The following CLASP2 variants were observed in gnomAD, a reference collection of about 807,000 sequenced individuals.
CLASP2 encodes CLIP-associating protein 2.
A neutral mutation model predicts 194.4 loss-of-function variants in CLASP2; 47 were observed. That is an observed-to-expected ratio of 0.24 (90% CI 0.19 to 0.31). The LOEUF (loss-of-function observed/expected upper bound fraction) is 0.31. Among genes scored for constraint, CLASP2 ranks in the 10% least tolerant of loss-of-function variants. CLASP2 has a pLI of 1.00. For missense variants in CLASP2, 1,445 were observed against 1,823.6 expected (o/e 0.79, Z 3.78); for synonymous variants, 619 against 633.5 (o/e 0.98, Z 0.34).
intron 1 of CLASP2, among the ~76,000 whole-genome samples, chr3:33,698,433 C>T (rs1163782648): frequency 1.3e-5 from 2 of 151,992 alleles, no homozygotes; most frequent in African/African-American, 4.8e-5. Context: ...TGAAGCTAGA[C>T]CAGAAAAACA....
chr3:33,619,586 CGA>C lies in CLASP2; in HGVS notation c.1317+15_1317+16del, dbSNP rs765849179. On this transcript the variant is annotated intron_variant, in intron 12 of 38. Transcript: ENST00000682230. ...GGGGGGAGGAGGCAGCAGTAGAAAA[CGA>C]GAGAGCAAACCTACCCGAATGATAA... The C allele has an allele frequency of 1.1e-5, 17 of 1,538,974 alleles. No homozygotes were observed. Among genetic ancestry groups the C allele is most frequent in the Middle Eastern group, 3.3e-4 (2 of 5,986 alleles).
At chr3:33,656,531 G>A (rs2084249973) in intron 7 of CLASP2, among the ~76,000 whole-genome samples, 1 of 152,140 alleles carries the variant, frequency 6.6e-6, no homozygotes, top group South Asian at 2.1e-4. Context: ...TGGTGGGAGT[G>A]TATGTGGTAA....
rs2061698515 is a variant in CLASP2, at chr3:33,560,943, A to C, written c.2795T>G (p.Val932Gly). 6.2e-7 allele frequency: 1 copy of C among 1,613,808 alleles called. No homozygotes were observed. Among genetic ancestry groups the C allele is most frequent in the Admixed American group, 1.7e-5 (1 of 59,992 alleles). The change falls in exon 28 of 39, where the codon GTG becomes GGG. Residue 932 changes from valine to glycine, a missense_variant. Val to Gly is a moderately radical substitution (Grantham distance 109). Around this residue, in one of 4 missense-constraint regions of CLASP2, gnomAD observed 732 missense variants for 987.9 expected, o/e 0.74. Transcript: ENST00000682230. ...RVFSMFLETL[V>G]DFIQVHKDDL... The stretch of plus-strand genomic sequence containing the variant: ...ATCTTTGTGGACTTGTATGAAATCC[A>C]CTAGAGTCTCCAAAAACATGCTGAA...
At chr3:33,688,448 C>A (rs2090967621) in intron 3 of CLASP2, 80 bp from the exon 4 acceptor site, 22 of 1,023,494 alleles carry the variant, frequency 2.1e-5, no homozygotes, top group Non-Finnish European at 2.7e-5. Context: ...CCCAATCTTA[C>A]TACCAACCTT....
intron 1 of CLASP2, among the ~76,000 whole-genome samples, chr3:33,698,981 A>T (rs1450919527): frequency 6.6e-6 from 1 of 152,236 alleles, no homozygotes; most frequent in Admixed American, 6.5e-5. Flanking sequence ...AAAAGAGCCA[A>T]CAACATGCAG....
At chr3:33,692,026 C>T (rs935973436) in intron 2 of CLASP2, among the ~76,000 whole-genome samples, 10 of 151,942 alleles carry the variant, frequency 6.6e-5, no homozygotes, top group African/African-American at 2.2e-4. Context: ...AAAAATTAGC[C>T]GAGCGTGATG....
intron 23 of CLASP2, 160 bp from the exon 24 acceptor site, chr3:33,576,435 C>A: frequency 7.1e-6 from 4 of 560,604 alleles, no homozygotes; most frequent in South Asian, 2.5e-5. Flanking sequence ...TAGTTTTTGG[C>A]AAAATAAAAG....
intron 17 of CLASP2, among the ~76,000 whole-genome samples, 174 bp downstream of exon 17, chr3:33,603,980 C>T (rs1164742624): frequency 6.6e-6 from 1 of 152,140 alleles, no homozygotes; most frequent in African/African-American, 2.4e-5. Context: ...CTTCCTGGAA[C>T]TTCGGGTTTT....
At chr3:33,698,728 CTA>C (rs2092151285) in intron 1 of CLASP2, among the ~76,000 whole-genome samples, 2 of 152,162 alleles carry the variant, frequency 1.3e-5, no homozygotes, top group South Asian at 2.1e-4. Flanking sequence ...TAGCTCCACA[CTA>C]TATGTAAGTT....
intron 30 of CLASP2, among the ~76,000 whole-genome samples, chr3:33,547,907 G>T (rs1430029846): frequency 6.6e-6 from 1 of 150,404 alleles, no homozygotes; most frequent in Non-Finnish European, 1.5e-5. Flanking sequence ...TCCTACCTCA[G>T]CCTCCTGAGT....
chr3:33,677,357 T>C (rs899424198), intron 6 of CLASP2, among the ~76,000 whole-genome samples: 1 of 151,000 alleles, frequency 6.6e-6, no homozygotes, highest in Non-Finnish European at 1.5e-5. Context: ...ATATACACCA[T>C]GGAATACTAT....
At position 33,517,000 on chromosome 3, in the gene CLASP2, T is replaced by C; in HGVS notation, c.3962A>G (p.Glu1321Gly). The change falls in exon 35 of 39, where the codon GAA becomes GGA. Residue 1321 changes from glutamate (E) to glycine (G), a missense_variant. Glu to Gly is a moderately conservative substitution (Grantham distance 98, BLOSUM62 -2). This residue lies in a region of CLASP2 where 732 missense variants were observed against 987.9 expected (regional missense o/e 0.74). Transcript: ENST00000682230. ...HFKTILLLLL[E>G]TLGDKEPTIR... ...ATTTACCTCTTTATCTCCAAGCGTT[T>C]CAAGCAATAAAAGCAATATTGTTTT... The C allele has an allele frequency of 1.2e-6, 2 of 1,613,186 alleles. No homozygotes were observed. Among genetic ancestry groups the C allele is most frequent in the Non-Finnish European group, 8.5e-7 (1 of 1,179,676 alleles).
At chr3:33,626,536 T>C (rs1285705356) in intron 10 of CLASP2, among the ~76,000 whole-genome samples, 1 of 152,076 alleles carries the variant, frequency 6.6e-6, no homozygotes, top group Non-Finnish European at 1.5e-5. Context: ...ATTCATCACA[T>C]TCACATGAGA....
intron 10 of CLASP2, among the ~76,000 whole-genome samples, chr3:33,625,173 T>C (rs924656398): frequency 8.0e-6 from 1 of 125,238 alleles, no homozygotes; most frequent in African/African-American, 3.0e-5. Context: ...TGGTAAATGA[T>C]TATAAAAATT....
chr3:33,608,115 T>C (rs998250550), intron 14 of CLASP2, among the ~76,000 whole-genome samples: 30 of 152,190 alleles, frequency 2.0e-4, no homozygotes, highest in African/African-American at 6.5e-4. Flanking sequence ...AGAGTTACAC[T>C]AGACATTGCC....
intron 37 of CLASP2, chr3:33,502,089 T>C (rs1368685757): frequency 9.4e-6 from 2 of 212,774 alleles, no homozygotes; most frequent in Non-Finnish European, 1.9e-5. Context: ...CCTAAAGCAT[T>C]AGGTTTTAAG....
intron 29 of CLASP2, 157 bp downstream of exon 29, chr3:33,559,150 T>C (rs1325294821): frequency 1.4e-6 from 1 of 699,152 alleles, no homozygotes; most frequent in Non-Finnish European, 2.6e-6. Flanking sequence ...AGAGTGAAGC[T>C]GGTCCCGAAG....
At chr3:33,601,384 T>C (rs548022982) in intron 18 of CLASP2, among the ~76,000 whole-genome samples, 1 of 152,326 alleles carries the variant, frequency 6.6e-6, no homozygotes, top group African/African-American at 2.4e-5. Flanking sequence ...TATTCTGGTA[T>C]TTGTTGGCCA....
At chr3:33,540,087 T>A (rs930338376) in intron 32 of CLASP2, among the ~76,000 whole-genome samples, 7 of 151,458 alleles carry the variant, frequency 4.6e-5, no homozygotes, top group Non-Finnish European at 8.8e-5. Context: ...TGCCACCACA[T>A]CAGGCTAATT....
Sources: gnomAD v4.1 joint callset for allele counts (sites outside exome capture counted in the v4.1 genomes callset) on GRCh38, gnomAD v4.1.1 for gene constraint, gnomAD v4.1.1 regional missense constraint, MANE v1.5 for transcripts, NCBI Gene and HGNC (gene_info 2026-07-23, HGNC 2026-07-21) for gene names.